LMO7: variants seen among roughly 807,000 people sequenced by gnomAD.
The protein encoded by LMO7 is LIM domain 7.
Under a neutral mutation model 206.5 loss-of-function variants are expected in LMO7, and 120 were observed. The ratio of observed to expected loss-of-function variants is 0.58; its 90% CI spans 0.50 to 0.68. LMO7 has a LOEUF of 0.68. Ranked by LOEUF, LMO7 falls within the 30% of genes least tolerant of loss-of-function variation. The pLI, the probability that LMO7 is intolerant of heterozygous loss-of-function variation, is 0.00. For synonymous variants in LMO7, 706 were observed against 681.5 expected (o/e 1.04, Z -0.56); for missense variants, 1,959 against 1,957.9 (o/e 1.00, Z -0.01).
intron 4 of LMO7, among the ~76,000 whole-genome samples, chr13:75,791,457 T>A (rs1354437213): frequency 1.3e-5 from 2 of 152,214 alleles, no homozygotes; most frequent in Admixed American, 1.3e-4. Context: ...TTATTGCTAA[T>A]TTACATTTCT....
chr13:75,786,210 G>A (rs1469621804), intron 4 of LMO7, among the ~76,000 whole-genome samples: 2 of 152,118 alleles, frequency 1.3e-5, no homozygotes, highest in African/African-American at 4.8e-5. Flanking sequence ...CATAATGATT[G>A]ATATAAAGTG....
chr13:75,703,381 C>T (rs7991194), intron 1 of LMO7, among the ~76,000 whole-genome samples: 9,985 of 152,082 alleles, frequency 0.066, 669 homozygotes, highest in African/African-American at 0.17. Context: ...GGAGGTAAGT[C>T]ACTAATTACA....
chr13:75,741,949 A>G (rs2046446768), intron 3 of LMO7, among the ~76,000 whole-genome samples: 1 of 152,240 alleles, frequency 6.6e-6, no homozygotes, highest in African/African-American at 2.4e-5. Context: ...TCCTGTTTGC[A>G]GATGACTTGA....
At chr13:75,840,341 A>G in intron 21 of LMO7, 50 bp from the exon 22 acceptor site, 1 of 1,601,604 alleles carries the variant, frequency 6.2e-7, no homozygotes, top group Non-Finnish European at 8.5e-7. Context: ...AGATGACTTA[A>G]TGAAGTTATG....
chr13:75,643,474 TG>T (rs2036743752), intron 1 of LMO7, among the ~76,000 whole-genome samples: 1 of 152,196 alleles, frequency 6.6e-6, no homozygotes, highest in Non-Finnish European at 1.5e-5. Flanking sequence ...AAATACTTGT[TG>T]AATGAATGAA....
Position 75,858,115 on chromosome 13 carries a change from A to G in LMO7, c.*172A>G. 1 of 576,238 alleles carries G rather than the reference A, an allele frequency of 1.7e-6. No individual in the cohort carries two copies. The highest frequency in any genetic ancestry group is 2.9e-6 in the Non-Finnish European group (1 of 347,614). 35.7% of individuals were successfully genotyped at this position (576,238 alleles called of 1,614,324 possible). A position where few individuals can be genotyped will look rare whatever the true frequency, so the allele number is the denominator to read the frequency against. On this transcript the variant is annotated 3_prime_UTR_variant, in exon 31 of 31. Coordinates refer to ENST00000377534, the MANE Select transcript of LMO7 (RefSeq NM_001306080.2). ...GCATTGTAGTCTTGGTAGAACCAGT[A>G]TTTTTGTTGTTTATTTATAAGGTAA... is the stretch of plus-strand genomic sequence containing the variant.
chr13:75,646,241 A>G (rs917275035), intron 1 of LMO7, among the ~76,000 whole-genome samples: 3 of 152,176 alleles, frequency 2.0e-5, no homozygotes, highest in Admixed American at 6.5e-5. Context: ...CCAACAGGCT[A>G]TATCTTCAAA....
At chr13:75,678,002 A>G (rs189293151) in intron 1 of LMO7, among the ~76,000 whole-genome samples, 80 of 152,194 alleles carry the variant, frequency 5.3e-4, no homozygotes, top group African/African-American at 1.9e-3. Context: ...ATAGTATTCC[A>G]TGGTGTATAT....
At position 75,795,401 on chromosome 13, in the gene LMO7, G is replaced by A; in HGVS notation, c.318G>A (p.Lys106=). The change falls in exon 5 of 31, where the codon AAG becomes AAA. Residue 106 remains lysine (K), a splice_region_variant and synonymous_variant. Coordinates refer to ENST00000377534, the MANE Select transcript of LMO7 (RefSeq NM_001306080.2). ...LQDLSNRVTV[K]QEETDRRVKN... is the part of the protein sequence containing the mutation. ...TAATAGATATTTTCTTTCTTTACAG[G>A]CAAGAAGAGACTGACAGGAGAGTGA... 2 of 1,581,450 alleles carry A rather than the reference G, an allele frequency of 1.3e-6. No homozygotes were observed. The highest frequency in any genetic ancestry group is 1.1e-5 in the South Asian group (1 of 88,352).
At chr13:75,717,381 A>AC (rs1450553103) in intron 2 of LMO7, among the ~76,000 whole-genome samples, 1 of 139,072 alleles carries the variant, frequency 7.2e-6, no homozygotes, top group African/African-American at 2.7e-5. Flanking sequence ...AAAAAAAAAA[A>AC]CACACAAACA....
chr13:75,718,118 G>A (rs1335315742), intron 2 of LMO7, among the ~76,000 whole-genome samples: 1 of 152,156 alleles, frequency 6.6e-6, no homozygotes, highest in African/African-American at 2.4e-5. Flanking sequence ...GCATTTGCAT[G>A]CCTTTTTAAG....
At chr13:75,837,075 G>T (rs929716995) in intron 19 of LMO7, among the ~76,000 whole-genome samples, 1 of 152,168 alleles carries the variant, frequency 6.6e-6, no homozygotes, top group Admixed American at 6.5e-5. Context: ...ACCCAAAGAA[G>T]ACGAGACCTC....
At chr13:75,725,328 T>A (rs1289424220) in intron 2 of LMO7, among the ~76,000 whole-genome samples, 1 of 152,122 alleles carries the variant, frequency 6.6e-6, no homozygotes, top group East Asian at 1.9e-4. Flanking sequence ...CCTCAGCTCA[T>A]AATGGCCTCT....
intron 19 of LMO7, among the ~76,000 whole-genome samples, chr13:75,836,711 A>G (rs1382567493): frequency 6.6e-6 from 1 of 152,196 alleles, no homozygotes; most frequent in Non-Finnish European, 1.5e-5. Flanking sequence ...TGCCTAAGTC[A>G]AATAAGAAAG....
Position 75,833,045 on chromosome 13 carries a change from T to C in LMO7, c.2950-6T>C. 6.4e-7 allele frequency: 1 copy of C among 1,558,630 alleles called. No homozygotes were observed. Among genetic ancestry groups the C allele is most frequent in the Non-Finnish European group, 8.8e-7 (1 of 1,130,082 alleles). ...CGGATACCAGCGTTTCATGTTTTGT[T>C]TTCAGGATCAGTTCAGTGATATGAG... On this transcript the variant is annotated splice_polypyrimidine_tract_variant and splice_region_variant and intron_variant, in intron 15 of 30. Transcript: ENST00000377534.
intron 5 of LMO7, among the ~76,000 whole-genome samples, chr13:75,795,811 C>A (rs2053936848): frequency 6.6e-6 from 1 of 151,988 alleles, no homozygotes; most frequent in Non-Finnish European, 1.5e-5. Context: ...CACATTGGGG[C>A]CTGTCAGGTG....
chr13:75,752,894 A>G (rs1313780424), intron 3 of LMO7, among the ~76,000 whole-genome samples: 3 of 152,202 alleles, frequency 2.0e-5, no homozygotes, highest in Admixed American at 2.0e-4. Flanking sequence ...CAGAAAACAT[A>G]CAAGTGCAGG....
At chr13:75,680,000 C>G (rs2040338255) in intron 1 of LMO7, among the ~76,000 whole-genome samples, 1 of 152,182 alleles carries the variant, frequency 6.6e-6, no homozygotes, top group Non-Finnish European at 1.5e-5. Context: ...CTGCACCTAT[C>G]AACTTATCAC....
intron 2 of LMO7, among the ~76,000 whole-genome samples, chr13:75,714,103 C>A (rs540405884): frequency 1.8e-4 from 27 of 152,308 alleles, no homozygotes; most frequent in Non-Finnish European, 1.8e-4. Context: ...AGAGTGTATA[C>A]ACTAGTACTT....
Sources: allele counts gnomAD v4.1 joint callset (sites outside exome capture counted in the v4.1 genomes callset), GRCh38; gene constraint gnomAD v4.1.1; transcripts MANE v1.5; gene names NCBI Gene and HGNC (gene_info 2026-07-23, HGNC 2026-07-21).